The following TCTN1 variants were observed in gnomAD, a reference collection of about 807,000 sequenced individuals.
The protein encoded by TCTN1 is tectonic family member 1, also known as tectonic-1.
A neutral mutation model predicts 65.8 loss-of-function variants in TCTN1; 58 were observed. That is an observed-to-expected ratio of 0.88 (90% CI 0.71 to 1.10). TCTN1 has a LOEUF of 1.10. Among genes scored for constraint, TCTN1 ranks in the 50% least tolerant of loss-of-function variants. The pLI is 0.00. For synonymous variants in TCTN1, 273 were observed against 289.1 expected, an observed-to-expected ratio of 0.94 and a Z score of 0.57; for missense variants, 645 against 719.4, an observed-to-expected ratio of 0.90 and a Z score of 1.18.
Position 110,647,882 on chromosome 12 carries a change from C to T in TCTN1, c.1769C>T (p.Pro590Leu), listed in dbSNP as rs1204822464. 7.4e-6 allele frequency: 12 copies of T among 1,613,504 alleles called. No individual in the cohort carries two copies. The highest frequency in any genetic ancestry group is 1.1e-5 in the South Asian group (1 of 91,062). Residue 590 changes from proline to leucine, a missense_variant, in exon 14 of 15, where the codon CCG becomes CTG. Pro to Leu is a moderately conservative substitution (Grantham distance 98). Transcript: ENST00000397659. Reference protein sequence around the residue: ...NARLPFNFFFPFV With the variant: ...NARLPFNFFFLFV The stretch of plus-strand genomic sequence containing the variant: ...AGGCTGCCCTTTAACTTCTTCTTCC[C>T]GTTTGTTTGACGTAAGTGAGGAAAC...
Position 110,640,383 on chromosome 12 carries a change from G to T in TCTN1, c.844G>T (p.Val282Phe), listed in dbSNP as rs1204580133. The T allele has an allele frequency of 6.8e-6, 11 of 1,613,940 alleles. No homozygotes were observed. The highest frequency in any genetic ancestry group is 9.3e-6 in the Non-Finnish European group (11 of 1,180,034). Residue 282 changes from valine (V) to phenylalanine (F), a missense_variant and splice_region_variant, in exon 8 of 15, where the codon GTC becomes TTC. Physicochemically the swap from Val to Phe is conservative, Grantham distance 50. Coordinates refer to ENST00000397659, the MANE Select transcript of TCTN1 (RefSeq NM_001082538.3). The surrounding 1 kb of genome is among the most constrained non-coding windows in gnomAD (Gnocchi z 4.9). ...AACACTCCAGGTCTTCACTCTGCAG[G>T]TCCCTATCACTGTTCAGTCCATCGT... ...ILRVPDSRKK[V>F]PITVQSIVIQ...
intron 4 of TCTN1, among the ~76,000 whole-genome samples, chr12:110,631,255 C>T (rs2136032764): frequency 6.7e-6 from 1 of 149,890 alleles, no homozygotes; most frequent in South Asian, 2.2e-4. Flanking sequence ...GAACTCCTGA[C>T]CTCAGGTAAT....
In TCTN1 at chr12:110,647,743, T is replaced by C; in HGVS notation, c.1636-6T>C. 1.2e-6 allele frequency: 2 copies of C among 1,614,230 alleles called. No individual in the cohort carries two copies. Among genetic ancestry groups the C allele is most frequent in the Non-Finnish European group, 1.7e-6 (2 of 1,180,048 alleles). ...GGTGGGCCTTGCATCTCTCTGTTTA[T>C]TACAGGCCAACTCAGGAAATGAAAG... On this transcript the variant is annotated splice_region_variant and splice_polypyrimidine_tract_variant and intron_variant, in intron 13 of 14. Coordinates refer to ENST00000397659, the MANE Select transcript of TCTN1 (RefSeq NM_001082538.3).
chr12:110,642,175 A>G, intron 10 of TCTN1, 74 bp from the exon 11 acceptor site: 1 of 1,591,778 alleles, frequency 6.3e-7, no homozygotes, highest in Non-Finnish European at 8.6e-7. Context: ...CATGTCACAC[A>G]AGTGACACTG....
intron 4 of TCTN1, 69 bp downstream of exon 4, chr12:110,628,987 G>T: frequency 6.3e-7 from 1 of 1,590,676 alleles, no homozygotes. Context: ...TAATTTTCAA[G>T]GTTACCAGGA....
intron 10 of TCTN1, chr12:110,641,934 A>C: frequency 1.8e-6 from 1 of 552,798 alleles, no homozygotes; most frequent in South Asian, 2.4e-5. Flanking sequence ...TTACAACGAA[A>C]ATCTTAAGAG....
chr12:110,641,715 G>C (rs2066966748), intron 10 of TCTN1, 88 bp downstream of exon 10: 1 of 1,361,346 alleles, frequency 7.3e-7, no homozygotes. Flanking sequence ...GGCTCCCCTG[G>C]GCTGCTTGTG....
intron 2 of TCTN1, among the ~76,000 whole-genome samples, chr12:110,622,496 C>T (rs1438857345): frequency 6.6e-6 from 1 of 152,194 alleles, no homozygotes; most frequent in Non-Finnish European, 1.5e-5. Flanking sequence ...TGGCATCTAA[C>T]TCAGCCCCAC....
Position 110,647,265 on chromosome 12 carries a change from G to A in TCTN1, c.1564G>A (p.Gly522Arg), listed in dbSNP as rs775938931. 5 of 1,614,128 alleles carry A rather than the reference G, an allele frequency of 3.1e-6. No individual in the cohort carries two copies. Among genetic ancestry groups the A allele is most frequent in the African/African-American group, 1.3e-5 (1 of 75,036 alleles). The change falls in exon 13 of 15, where the codon GGA becomes AGA. Residue 522 changes from glycine (G) to arginine (R), a missense_variant. By Grantham distance (125) the Gly-to-Arg change is moderately radical. Coordinates refer to ENST00000397659, the MANE Select transcript of TCTN1 (RefSeq NM_001082538.3). ...TATAGAAGTGAAGTGGACTAAATAC[G>A]GATCCCTGCTGAATCCACAGGCCAA... ...LVIEVKWTKY[G>R]SLLNPQAKIV...
Position 110,644,145 on chromosome 12 carries a change from C to G in TCTN1, c.1332-822C>G, listed in dbSNP as rs956195952. 4.6e-5 allele frequency: 7 copies of G among 152,246 alleles called. No individual in the cohort carries two copies. Among genetic ancestry groups the G allele is most frequent in the Admixed American group, 2.0e-4 (3 of 15,280 alleles). 9.4% of individuals were successfully genotyped at this position (152,246 alleles called of 1,614,324 possible). A position where few individuals can be genotyped will look rare whatever the true frequency, so the allele number is the denominator to read the frequency against. ...TTCCTTCCTGTATTACTCATCAGAG[C>G]CTTTAATAGGCAAATGTGCCTCAGG... On this transcript the variant is annotated intron_variant, in intron 11 of 14. Coordinates refer to ENST00000397659, the MANE Select transcript of TCTN1 (RefSeq NM_001082538.3). This position sits in a 1 kb window ranked among gnomAD's most constrained non-coding sequence, Gnocchi z 4.6.
rs141157853 is a variant in TCTN1, at chr12:110,641,464, T to C, written c.1105-78T>C. 414 of 1,381,800 alleles carry C rather than the reference T, an allele frequency of 3.0e-4. 2 individuals are homozygous for C. In the East Asian group the frequency reaches 7.2e-3, roughly 24 times the overall value. The allele number at this position is 1,381,800 out of a possible 1,614,324, so 85.6% of individuals were successfully genotyped here. A position where few individuals can be genotyped will look rare whatever the true frequency, so the allele number is the denominator to read the frequency against. On this transcript the variant is annotated intron_variant, in intron 9 of 14. Transcript: ENST00000397659. ...TGGTTGGTAATTCCATATTTTATTA[T>C]GAAAGAAGAATTTTTCTTCCTGCCA...
chr12:110,617,873 T>C (rs1401276694), intron 1 of TCTN1, among the ~76,000 whole-genome samples: 1 of 151,782 alleles, frequency 6.6e-6, no homozygotes, highest in Non-Finnish European at 1.5e-5. Context: ...CCTCCTGACC[T>C]CGTGATCCAC....
rs1469909205 is a variant in TCTN1 at position 110,644,104 on chromosome 12, A to G, written c.1332-863A>G. 1 of 152,242 alleles carries G rather than the reference A, an allele frequency of 6.6e-6. No individual in the cohort carries two copies. Among genetic ancestry groups the G allele is most frequent in the Non-Finnish European group, 1.5e-5 (1 of 68,046 alleles). The allele number at this position is 152,242 out of a possible 1,614,324, so 9.4% of individuals were successfully genotyped here. ...CAATACGTTTGGGAAACACCAAATT[A>G]AAGTTAAAACAATGGTTCCTTCCTG... On this transcript the variant is annotated intron_variant, in intron 11 of 14. Transcript: ENST00000397659. The surrounding 1 kb of genome is among the most constrained non-coding windows in gnomAD (Gnocchi z 4.6).
chr12:110,648,437 A>AGAT (rs1294244330), intron 14 of TCTN1, among the ~76,000 whole-genome samples: 1 of 152,180 alleles, frequency 6.6e-6, no homozygotes, highest in Non-Finnish European at 1.5e-5. Flanking sequence ...GTCTTTGGGG[A>AGAT]GATGGTAAAG....
intron 3 of TCTN1, chr12:110,628,259 G>A: frequency 6.5e-7 from 1 of 1,533,428 alleles, no homozygotes; most frequent in Non-Finnish European, 8.7e-7. Flanking sequence ...CCCATTATTA[G>A]AAGAAGCAGG....
intron 4 of TCTN1, chr12:110,629,222 C>T (rs2066059828): frequency 8.5e-6 from 4 of 472,960 alleles, no homozygotes; most frequent in East Asian, 3.4e-5. Context: ...AAAGCAATGG[C>T]AACAAAAGCC....
chr12:110,636,322 A>G, intron 6 of TCTN1, 159 bp from the exon 7 acceptor site: 1 of 578,934 alleles, frequency 1.7e-6, no homozygotes. Context: ...AGATTCAAAC[A>G]CATGCAGATG....
In TCTN1 at chr12:110,616,650, C is replaced by G. The variant is rs59698293; in HGVS notation, c.220+2248C>G. 0.079 allele frequency: 12,400 copies of G among 156,518 alleles called. 548 individuals carry two copies. Among genetic ancestry groups the G allele is most frequent in the Middle Eastern group, 0.11 (33 of 302 alleles). 9.7% of individuals were successfully genotyped at this position (156,518 alleles called of 1,614,324 possible). A position where few individuals can be genotyped will look rare whatever the true frequency, so the allele number is the denominator to read the frequency against. On this transcript the variant is annotated intron_variant, in intron 1 of 14. Transcript: ENST00000397659. ...GTGGCAGGCACTGTGCTAAGCATTT[C>G]ACCTATGATGTATCTCATTTAATCC... is the stretch of plus-strand genomic sequence containing the variant.
chr12:110,638,202 C>G lies in TCTN1; in HGVS notation c.843+1701C>G, dbSNP rs147681906. Among the ~76,000 whole-genome samples, 182 of 152,240 alleles carry G rather than the reference C, an allele frequency of 1.2e-3. 1 individual carries two copies. The highest frequency in any genetic ancestry group is 4.3e-3 in the African/African-American group (179 of 41,538). On this transcript the variant is annotated intron_variant, in intron 7 of 14. Coordinates refer to ENST00000397659, the MANE Select transcript of TCTN1 (RefSeq NM_001082538.3). ...ACTTTACCACCATACTGGGCCAGCTCTACTCTGTGAGCCCATGTGACAGGC... is the reference window on the plus strand; with the variant it reads ...ACTTTACCACCATACTGGGCCAGCTGTACTCTGTGAGCCCATGTGACAGGC...
Sources: gnomAD v4.1 joint callset for allele counts (sites outside exome capture counted in the v4.1 genomes callset) on GRCh38, gnomAD v4.1.1 for gene constraint, Gnocchi (gnomAD v3.1) non-coding constraint, MANE v1.5 for transcripts, NCBI Gene and HGNC (gene_info 2026-07-23, HGNC 2026-07-21) for gene names.